The following ABCC4 variants were observed in gnomAD, a reference collection of about 807,000 sequenced individuals.
The protein encoded by ABCC4 is ATP binding cassette subfamily C member 4 (PEL blood group).
A neutral mutation model predicts 168.5 loss-of-function variants in ABCC4; 102 were observed. That is an observed-to-expected ratio of 0.61 (90% CI 0.52 to 0.71). ABCC4 has a LOEUF of 0.71. Ranked by LOEUF, ABCC4 falls within the 30% of genes least tolerant of loss-of-function variation. The probability of loss-of-function intolerance (pLI) is 0.00; values close to 1 mark genes in which losing one functional copy is unlikely to be tolerated. For missense variants in ABCC4, 1,402 were observed against 1,605.8 expected, an observed-to-expected ratio of 0.87 and a Z score of 2.17; for synonymous variants, 617 against 590.7, an observed-to-expected ratio of 1.04 and a Z score of -0.65.
chr13:95,191,077 C>G (rs1328609369), intron 9 of ABCC4, among the ~76,000 whole-genome samples: 4 of 152,190 alleles, frequency 2.6e-5, no homozygotes, highest in Admixed American at 1.3e-4. Flanking sequence ...AACCCAAAAC[C>G]TAAAGACACT....
chr13:95,188,380 C>T (rs2038137009), intron 10 of ABCC4, 73 bp downstream of exon 10: 2 of 1,389,332 alleles, frequency 1.4e-6, no homozygotes, highest in African/African-American at 2.8e-5. Flanking sequence ...TACACGTAGC[C>T]TTGGGCTCAA....
chr13:95,026,676 C>T (rs945348847), intron 30 of ABCC4, among the ~76,000 whole-genome samples: 4 of 151,966 alleles, frequency 2.6e-5, no homozygotes, highest in Non-Finnish European at 5.9e-5. Context: ...ATGGTTTAAG[C>T]CCAGGAGTTC....
chr13:95,214,450 T>C (rs1723459591), intron 4 of ABCC4, among the ~76,000 whole-genome samples: 1 of 152,026 alleles, frequency 6.6e-6, no homozygotes, highest in Non-Finnish European at 1.5e-5. Flanking sequence ...CTTAGCAAGT[T>C]CAATGAAGGA....
At chr13:95,062,091 C>T (rs780798022) in intron 26 of ABCC4, among the ~76,000 whole-genome samples, 2 of 150,726 alleles carry the variant, frequency 1.3e-5, no homozygotes, top group Non-Finnish European at 2.9e-5. Context: ...ACACCACACA[C>T]TCTCACAATG....
At chr13:95,096,134 C>A in intron 20 of ABCC4, 2 of 635,422 alleles carry the variant, frequency 3.1e-6, no homozygotes, top group Non-Finnish European at 2.8e-6. Flanking sequence ...ATTGCTTGAG[C>A]CTAGGAGTTT....
At chr13:95,097,592 CTTTTTTTTTTTTTT>C (rs56169430) in intron 20 of ABCC4, among the ~76,000 whole-genome samples, 1 of 82,118 alleles carries the variant, frequency 1.2e-5, no homozygotes, top group Admixed American at 1.7e-4. Flanking sequence ...AATATACATT[CTTTTTTTTTTTTTT>C]TTTTTTTTTT....
intron 22 of ABCC4, 42 bp downstream of exon 22, chr13:95,075,390 G>A: frequency 6.2e-7 from 1 of 1,612,826 alleles, no homozygotes; most frequent in Non-Finnish European, 8.5e-7. Context: ...AGAAAAAGCA[G>A]CAGATCCTGT....
At chr13:95,070,345 T>C (rs1040571642) in intron 25 of ABCC4, among the ~76,000 whole-genome samples, 1 of 151,708 alleles carries the variant, frequency 6.6e-6, no homozygotes, top group Non-Finnish European at 1.5e-5. Context: ...GGCAGACAGG[T>C]GCTTGGGGAG....
At chr13:95,213,451 G>C (rs932674985) in intron 4 of ABCC4, among the ~76,000 whole-genome samples, 2 of 152,194 alleles carry the variant, frequency 1.3e-5, no homozygotes, top group Non-Finnish European at 2.9e-5. Flanking sequence ...GTAGCAGAGG[G>C]TTTGCCCCAG....
At chr13:95,074,768 T>C (rs142258173) in intron 22 of ABCC4, among the ~76,000 whole-genome samples, 58 of 152,334 alleles carry the variant, frequency 3.8e-4, no homozygotes, top group African/African-American at 1.3e-3. Context: ...TTAGGGGCTA[T>C]ATAAAAATGA....
chr13:95,087,898 TC>T, intron 20 of ABCC4, among the ~76,000 whole-genome samples: 1 of 152,328 alleles, frequency 6.6e-6, no homozygotes, highest in Non-Finnish European at 1.5e-5. Flanking sequence ...TGCCTTTAAA[TC>T]AGAACTTTAT....
chr13:95,177,388 T>C (rs2037740422), intron 13 of ABCC4, among the ~76,000 whole-genome samples: 1 of 152,158 alleles, frequency 6.6e-6, no homozygotes, highest in Admixed American at 6.5e-5. Context: ...CGGGGCCTGG[T>C]CCATCAGCAG....
chr13:95,150,933 C>T, intron 19 of ABCC4, among the ~76,000 whole-genome samples: 1 of 152,124 alleles, frequency 6.6e-6, no homozygotes, highest in East Asian at 1.9e-4. Context: ...ATTTTGTTTC[C>T]TGAACACCTC....
At chr13:95,186,028 G>T (rs1480288642) in intron 11 of ABCC4, among the ~76,000 whole-genome samples, 1 of 151,938 alleles carries the variant, frequency 6.6e-6, no homozygotes, top group Non-Finnish European at 1.5e-5. Context: ...AGGGACCCAA[G>T]CAGGAAACAT....
At chr13:95,267,288 C>T (rs2040710401) in intron 1 of ABCC4, among the ~76,000 whole-genome samples, 1 of 151,938 alleles carries the variant, frequency 6.6e-6, no homozygotes, top group Admixed American at 6.6e-5. Flanking sequence ...ATGCTATTCC[C>T]ATGATAGTGA....
intron 27 of ABCC4, among the ~76,000 whole-genome samples, chr13:95,047,169 T>C (rs1043476859): frequency 5.3e-5 from 8 of 152,188 alleles, no homozygotes; most frequent in Non-Finnish European, 1.2e-4. Context: ...GACTGTTCTG[T>C]GATTTGGACA....
chr13:95,238,597 G>A (rs986642033), intron 3 of ABCC4, among the ~76,000 whole-genome samples: 11 of 152,102 alleles, frequency 7.2e-5, no homozygotes, highest in South Asian at 2.1e-4. Context: ...CTCTTGTTGC[G>A]CAGGCTGGAG....
chr13:95,052,241 A>G (rs1339834761), intron 27 of ABCC4, among the ~76,000 whole-genome samples: 1 of 152,184 alleles, frequency 6.6e-6, no homozygotes, highest in East Asian at 1.9e-4. Context: ...TCAGACTTCC[A>G]AAGTGCTGGG....
At chr13:95,267,457 G>A (rs2040715868) in intron 1 of ABCC4, among the ~76,000 whole-genome samples, 1 of 152,140 alleles carries the variant, frequency 6.6e-6, no homozygotes, top group Non-Finnish European at 1.5e-5. Flanking sequence ...TTTGTACACT[G>A]CCCAGTCTCA....
Sources: gnomAD v4.1 joint callset for allele counts (sites outside exome capture counted in the v4.1 genomes callset) on GRCh38, gnomAD v4.1.1 for gene constraint, MANE v1.5 for transcripts, NCBI Gene and HGNC (gene_info 2026-07-23, HGNC 2026-07-21) for gene names.